The following CRYGN variants were observed in gnomAD, a reference collection of about 807,000 sequenced individuals.
CRYGN encodes the protein gamma-crystallin N.
CRYGN carries 17 observed loss-of-function variants against 19.2 expected under a neutral mutation model. That is an observed-to-expected ratio of 0.89 (90% CI 0.61 to 1.33). CRYGN has a LOEUF of 1.33. Ranked by LOEUF, CRYGN falls within the 40% of genes most tolerant of loss-of-function variation. CRYGN has a pLI of 0.00. For synonymous variants in CRYGN, 84 were observed against 85.8 expected (o/e 0.98, Z 0.12); for missense variants, 239 against 239.6 (o/e 1.00, Z 0.02).
chr7:151,435,246 T>C lies in CRYGN; in HGVS notation c.416+934A>G, dbSNP rs189794439. On this transcript the variant is annotated intron_variant, in intron 3 of 3. Coordinates refer to ENST00000337323, the MANE Select transcript of CRYGN (RefSeq NM_144727.3). This position sits in a 1 kb window ranked among gnomAD's most constrained non-coding sequence, Gnocchi z 4.2. ...CAGCTGGAACCTGTGTGAGGGGCTC[T>C]TGGCCTGAGGGGAGGGGACTGAGGC... Among the ~76,000 whole-genome samples the C allele has an allele frequency of 6.6e-6, 1 of 152,334 alleles. No homozygotes were observed. Among genetic ancestry groups the C allele is most frequent in the African/African-American group, 2.4e-5 (1 of 41,582 alleles).
rs1294854706 is a variant in CRYGN at position 151,431,160 on chromosome 7, C to A, written c.417-980G>T. The stretch of plus-strand genomic sequence containing the variant: ...CTCCATTCAGGACTCTGCTGGAGGG[C>A]TGCCGGCAGCAGGGAGTTACCTGGG... On this transcript the variant is annotated intron_variant, in intron 3 of 3. Transcript: ENST00000337323. This position sits in a 1 kb window ranked among gnomAD's most constrained non-coding sequence, Gnocchi z 4.8. Among the ~76,000 whole-genome samples, 1 of 152,196 alleles carries A rather than the reference C, an allele frequency of 6.6e-6. No individual in the cohort carries two copies. Among genetic ancestry groups the A allele is most frequent in the Non-Finnish European group, 1.5e-5 (1 of 68,030 alleles).
chr7:151,439,156 C>T (rs980501601), intron 1 of CRYGN: 1 of 152,266 alleles, frequency 6.6e-6, no homozygotes, highest in Admixed American at 6.5e-5. Context: ...CCCTTCCAGG[C>T]CCCTTGGAGT....
chr7:151,438,064 C>T lies in CRYGN; in HGVS notation c.202G>A (p.Asp68Asn), dbSNP rs150529322. ...TTCCAGCGGAAGAAGTCGGGGTAGTCGCCGTGCTCCAAGATGAACTGCTGG... is the reference window on the plus strand; with the variant it reads ...TTCCAGCGGAAGAAGTCGGGGTAGTTGCCGTGCTCCAAGATGAACTGCTGG... The part of the protein sequence containing the change: ...RGQQFILEHG[D>N]YPDFFRWNSH... Residue 68 changes from aspartate (D) to asparagine (N), a missense_variant, in exon 2 of 4, where the codon GAC becomes AAC. Physicochemically the swap from Asp to Asn is conservative, Grantham distance 23 (BLOSUM62 1). Transcript: ENST00000337323. 1.3e-4 allele frequency: 214 copies of T among 1,614,084 alleles called. No individual in the cohort carries two copies. In the African/African-American group the frequency reaches 2.4e-3, roughly 18 times the overall value.
In CRYGN at chr7:151,436,152, G is replaced by A. The variant is rs369578647; in HGVS notation, c.416+28C>T. 260 of 1,395,744 alleles carry A rather than the reference G, an allele frequency of 1.9e-4. No homozygotes were observed. The African/African-American group carries it at 3.1e-3, about 17-fold the overall frequency. The allele number at this position is 1,395,744 out of a possible 1,614,324, so 86.5% of individuals were successfully genotyped here. ...GTGCTGAAGGGCCTAGCCGGGCCTC[G>A]GGGTGCGGCCACGTGGCCTGTACTC... On this transcript the variant is annotated intron_variant, in intron 3 of 3. Coordinates refer to ENST00000337323, the MANE Select transcript of CRYGN (RefSeq NM_144727.3). This position sits in a 1 kb window ranked among gnomAD's most constrained non-coding sequence, Gnocchi z 5.1.
intron 2 of CRYGN, among the ~76,000 whole-genome samples, chr7:151,437,464 C>T (rs1045734886): frequency 6.6e-6 from 1 of 152,332 alleles, no homozygotes; most frequent in Non-Finnish European, 1.5e-5. Flanking sequence ...CCATGCCCCT[C>T]GTCTGCCCTC....
At chr7:151,432,688 C>T (rs1392546125) in intron 3 of CRYGN, among the ~76,000 whole-genome samples, 1 of 152,148 alleles carries the variant, frequency 6.6e-6, no homozygotes, top group African/African-American at 2.4e-5. Context: ...CCTGTAATCC[C>T]AGCTACTTGG....
At chr7:151,432,619 C>T (rs145834805) in intron 3 of CRYGN, among the ~76,000 whole-genome samples, 1,853 of 152,318 alleles carry the variant, frequency 0.012, 15 homozygotes, top group Non-Finnish European at 0.018. Flanking sequence ...GCCCGGCCAA[C>T]GTGGTGAAAC....
rs191509187 is a variant in CRYGN, at chr7:151,429,752, T to A, written c.*296A>T. 1.9e-3 allele frequency: 887 copies of A among 457,494 alleles called. 4 individuals carry two copies. The highest frequency in any genetic ancestry group is 3.2e-3 in the South Asian group (134 of 41,518). 28.3% of individuals were successfully genotyped at this position (457,494 alleles called of 1,614,324 possible). ...TAAGTCAGTGCTCCATAAATATTCATCAACATCATCACCATCATCAGCTGT... is the reference window on the plus strand; with the variant it reads ...TAAGTCAGTGCTCCATAAATATTCAACAACATCATCACCATCATCAGCTGT... On this transcript the variant is annotated 3_prime_UTR_variant, in exon 4 of 4. Coordinates refer to ENST00000337323, the MANE Select transcript of CRYGN (RefSeq NM_144727.3).
rs910364315 is a variant in CRYGN, at chr7:151,430,591, G to A, written c.417-411C>T. On this transcript the variant is annotated intron_variant, in intron 3 of 3. Transcript: ENST00000337323. The surrounding 1 kb of genome is among the most constrained non-coding windows in gnomAD (Gnocchi z 5.2). Reference sequence around the variant, plus strand: ...GCCCCTGAGATTTTGTTTTTCTCTCGGGAACCCTGTGTTCCCTCGCTGAGC... The same window carrying A: ...GCCCCTGAGATTTTGTTTTTCTCTCAGGAACCCTGTGTTCCCTCGCTGAGC... Among the ~76,000 whole-genome samples, 3 of 152,086 alleles carry A rather than the reference G, an allele frequency of 2.0e-5. No individual in the cohort carries two copies. Among genetic ancestry groups the A allele is most frequent in the Non-Finnish European group, 2.9e-5 (2 of 68,012 alleles).
At position 151,430,800 on chromosome 7, in the gene CRYGN, G is replaced by A. The variant is rs1801445917; in HGVS notation, c.417-620C>T. ...CTGGAGTAAGATGTATGGTGAGGAGGACCCGGGAACTGAGAGGCCAGTCGG... is the reference window on the plus strand; with the variant it reads ...CTGGAGTAAGATGTATGGTGAGGAGAACCCGGGAACTGAGAGGCCAGTCGG... On this transcript the variant is annotated intron_variant, in intron 3 of 3. Coordinates refer to ENST00000337323, the MANE Select transcript of CRYGN (RefSeq NM_144727.3). This position sits in a 1 kb window ranked among gnomAD's most constrained non-coding sequence, Gnocchi z 5.2. 2.0e-5 allele frequency among the ~76,000 whole-genome samples: 3 copies of A among 152,186 alleles called. No individual in the cohort carries two copies. The highest frequency in any genetic ancestry group is 1.3e-4 in the Admixed American group (2 of 15,288).
Position 151,429,134 on chromosome 7 carries a change from T to C in CRYGN, c.*914A>G, listed in dbSNP as rs1430943256. The C allele has an allele frequency of 3.3e-5, 5 of 152,518 alleles. No homozygotes were observed. Among genetic ancestry groups the C allele is most frequent in the African/African-American group, 1.2e-4 (5 of 41,424 alleles). The allele number at this position is 152,518 out of a possible 1,614,324, so 9.4% of individuals were successfully genotyped here. A position where few individuals can be genotyped will look rare whatever the true frequency, so the allele number is the denominator to read the frequency against. On this transcript the variant is annotated 3_prime_UTR_variant, in exon 4 of 4. Coordinates refer to ENST00000337323, the MANE Select transcript of CRYGN (RefSeq NM_144727.3). Reference sequence around the variant, plus strand: ...TCTCATTTCATTCCCCAGGCATTAATTGCCTATGAGGGGGCGGAATGATTA... The same window carrying C: ...TCTCATTTCATTCCCCAGGCATTAACTGCCTATGAGGGGGCGGAATGATTA...
rs1419087680 is a variant in CRYGN, at chr7:151,431,903, T to C, written c.417-1723A>G. On this transcript the variant is annotated intron_variant, in intron 3 of 3. Coordinates refer to ENST00000337323, the MANE Select transcript of CRYGN (RefSeq NM_144727.3). This position sits in a 1 kb window ranked among gnomAD's most constrained non-coding sequence, Gnocchi z 4.8. ...GGTTCCGGCCCTGCCCCATCCCCAT[T>C]GCTTCTCACCACCTCTCCCCACCAC... The C allele has an allele frequency of 1.3e-5, 4 of 299,968 alleles. No individual in the cohort carries two copies. The highest frequency in any genetic ancestry group is 5.1e-5 in the Admixed American group (1 of 19,420). The allele number at this position is 299,968 out of a possible 1,614,324, so 18.6% of individuals were successfully genotyped here. A position where few individuals can be genotyped will look rare whatever the true frequency, so the allele number is the denominator to read the frequency against.
chr7:151,435,511 G>T lies in CRYGN; in HGVS notation c.416+669C>A, dbSNP rs1801581083. ...GGGGAGTGTGCGGGAGGGCAGGAGGGGGCACACAGGCTGCCCTTGGTTGAC... is the reference window on the plus strand; with the variant it reads ...GGGGAGTGTGCGGGAGGGCAGGAGGTGGCACACAGGCTGCCCTTGGTTGAC... On this transcript the variant is annotated intron_variant, in intron 3 of 3. Coordinates refer to ENST00000337323, the MANE Select transcript of CRYGN (RefSeq NM_144727.3). The surrounding 1 kb of genome is among the most constrained non-coding windows in gnomAD (Gnocchi z 4.2). 6.6e-6 allele frequency among the ~76,000 whole-genome samples: 1 copy of T among 152,138 alleles called. No homozygotes were observed. The highest frequency in any genetic ancestry group is 6.5e-5 in the Admixed American group (1 of 15,282).
Position 151,431,498 on chromosome 7 carries a change from G to A in CRYGN, c.417-1318C>T, listed in dbSNP as rs1330179097. Among the ~76,000 whole-genome samples the A allele has an allele frequency of 2.0e-5, 3 of 152,244 alleles. No homozygotes were observed. The highest frequency in any genetic ancestry group is 4.2e-4 in the South Asian group (2 of 4,818). ...TTGGTGCTGCACCAGCTGAAGACGCGAGCCGCCGGTTCTGGGTCTGCCAGC... is the reference window on the plus strand; with the variant it reads ...TTGGTGCTGCACCAGCTGAAGACGCAAGCCGCCGGTTCTGGGTCTGCCAGC... On this transcript the variant is annotated intron_variant, in intron 3 of 3. Transcript: ENST00000337323. The surrounding 1 kb of genome is among the most constrained non-coding windows in gnomAD (Gnocchi z 4.8).
intron 2 of CRYGN, 86 bp downstream of exon 2, chr7:151,437,910 C>T (rs777375755): frequency 1.9e-6 from 3 of 1,597,104 alleles, no homozygotes; most frequent in Admixed American, 1.7e-5. Flanking sequence ...GGACCACGCT[C>T]CCCGATTCCT....
intron 3 of CRYGN, among the ~76,000 whole-genome samples, chr7:151,434,285 G>A (rs1010908361): frequency 1.3e-5 from 2 of 152,084 alleles, no homozygotes; most frequent in South Asian, 2.1e-4. Context: ...CCCCACCTTC[G>A]TTCTCAACAA....
In CRYGN at chr7:151,430,806, G is replaced by A. The variant is rs1801446207; in HGVS notation, c.417-626C>T. ...TAAGATGTATGGTGAGGAGGACCCG[G>A]GAACTGAGAGGCCAGTCGGGAGCCA... On this transcript the variant is annotated intron_variant, in intron 3 of 3. Coordinates refer to ENST00000337323, the MANE Select transcript of CRYGN (RefSeq NM_144727.3). The surrounding 1 kb of genome is among the most constrained non-coding windows in gnomAD (Gnocchi z 5.2). Among the ~76,000 whole-genome samples, 2 of 152,184 alleles carry A rather than the reference G, an allele frequency of 1.3e-5. 1 individual carries two copies. The highest frequency in any genetic ancestry group is 4.1e-4 in the South Asian group (2 of 4,830).
rs1364503335 is a variant in CRYGN, at chr7:151,430,021, G to A, written c.*27C>T. 1 of 838,386 alleles carries A rather than the reference G, an allele frequency of 1.2e-6. No individual in the cohort carries two copies. The highest frequency in any genetic ancestry group is 2.1e-6 in the Non-Finnish European group (1 of 470,654). The allele number at this position is 838,386 out of a possible 1,614,324, so 51.9% of individuals were successfully genotyped here. On this transcript the variant is annotated 3_prime_UTR_variant, in exon 4 of 4. Transcript: ENST00000337323. The surrounding 1 kb of genome is among the most constrained non-coding windows in gnomAD (Gnocchi z 5.2). ...CTCCCGGCTCAGAAACGGTGCAGGTGCATTTACATGTCAATCGGTTCCAGG... is the reference window on the plus strand; with the variant it reads ...CTCCCGGCTCAGAAACGGTGCAGGTACATTTACATGTCAATCGGTTCCAGG...
chr7:151,439,564 A>C (rs1801707902), intron 1 of CRYGN, among the ~76,000 whole-genome samples: 1 of 152,150 alleles, frequency 6.6e-6, no homozygotes. Context: ...GCCTTGGGCA[A>C]AGAAGCCGCA....
Sources: gnomAD v4.1 joint callset for allele counts (sites outside exome capture counted in the v4.1 genomes callset) on GRCh38, gnomAD v4.1.1 for gene constraint, Gnocchi (gnomAD v3.1) non-coding constraint, MANE v1.5 for transcripts, NCBI Gene and HGNC (gene_info 2026-07-23, HGNC 2026-07-21) for gene names.